ETFA: variants seen among roughly 807,000 people sequenced by gnomAD.
The protein encoded by ETFA is electron transfer flavoprotein subunit alpha, mitochondrial.
A neutral mutation model predicts 46.2 loss-of-function variants in ETFA; 22 were observed. The observed-to-expected ratio is 0.48, with a 90% CI of 0.34 to 0.68. ETFA has a LOEUF of 0.68. ETFA is among the 30% of genes least tolerant of loss of function. ETFA has a pLI of 0.01. For synonymous variants in ETFA, 131 were observed against 139.9 expected (o/e 0.94, Z 0.45); for missense variants, 345 against 401.1 (o/e 0.86, Z 1.19).
In ETFA at chr15:76,257,912, G is replaced by T. The variant is rs191776921; in HGVS notation, c.816+16500C>A. Among the ~76,000 whole-genome samples the T allele has an allele frequency of 3.5e-3, 531 of 149,728 alleles. 3 individuals carry two copies. Among genetic ancestry groups the T allele is most frequent in the African/African-American group, 0.012 (506 of 40,686 alleles). On this transcript the variant is annotated intron_variant, in intron 9 of 11. Transcript: ENST00000557943. ...AAATCATCATTCTCAGTAAATTATC[G>T]CAAGGACAAAAAAACCAAACAACGC... is the stretch of plus-strand genomic sequence containing the variant.
chr15:76,267,956 C>T (rs947127461), intron 9 of ETFA, among the ~76,000 whole-genome samples: 1 of 151,970 alleles, frequency 6.6e-6, no homozygotes, highest in Non-Finnish European at 1.5e-5. Context: ...TATCATGAGC[C>T]ACAGCATCTA....
At chr15:76,223,467 C>T (rs2038977146) in intron 11 of ETFA, among the ~76,000 whole-genome samples, 1 of 152,130 alleles carries the variant, frequency 6.6e-6, no homozygotes, top group African/African-American at 2.4e-5. Context: ...GGGTGATCCA[C>T]CCGCCTCGGC....
intron 7 of ETFA, among the ~76,000 whole-genome samples, chr15:76,284,644 C>T (rs545061406): frequency 9.9e-5 from 15 of 152,156 alleles, no homozygotes; most frequent in African/African-American, 3.4e-4. Flanking sequence ...GCATCCACCA[C>T]CATGCCCAGC....
At chr15:76,283,718 A>G (rs1434422970) in intron 8 of ETFA, 39 bp downstream of exon 8, 1 of 1,267,406 alleles carries the variant, frequency 7.9e-7, no homozygotes, top group African/African-American at 1.5e-5. Context: ...TATTTCCAAC[A>G]AAAAGGGAAT....
chr15:76,220,899 A>G (rs34213321), intron 11 of ETFA, among the ~76,000 whole-genome samples: 65,146 of 152,094 alleles, frequency 0.43, 15,681 homozygotes, highest in Middle Eastern at 0.56. Context: ...GGGGGCAGCC[A>G]CTTTGAAAAC....
rs139779487 is a variant in ETFA, at chr15:76,279,165, A to G, written c.733+4592T>C. Among the ~76,000 whole-genome samples the G allele has an allele frequency of 5.2e-3, 789 of 152,234 alleles. 7 individuals are homozygous for G. The highest frequency in any genetic ancestry group is 0.018 in the African/African-American group (731 of 41,534). On this transcript the variant is annotated intron_variant, in intron 8 of 11. Transcript: ENST00000557943. ...TCTCCAACTCCAGCCCTCCCATTCT[A>G]TCTCTAAAAACCTTTTCATTAAAAT...
At position 76,286,607 on chromosome 15, in the gene ETFA, C is replaced by A. The variant is rs1297512729; in HGVS notation, c.452-126G>T. On this transcript the variant is annotated intron_variant, in intron 5 of 11. Coordinates refer to ENST00000557943, the MANE Select transcript of ETFA (RefSeq NM_000126.4). ...ACTATTGACCAGTTGTCTTCTAACT[C>A]TATTAAGTATAGGAAAAAATGAACC... is the stretch of plus-strand genomic sequence containing the variant. 2.8e-5 allele frequency: 20 copies of A among 706,402 alleles called. No homozygotes were observed. In the Middle Eastern group the frequency reaches 1.0e-3, roughly 36 times the overall value. 43.8% of individuals were successfully genotyped at this position (706,402 alleles called of 1,614,324 possible).
chr15:76,218,893 C>T (rs1320108902), intron 11 of ETFA, among the ~76,000 whole-genome samples: 1 of 152,136 alleles, frequency 6.6e-6, no homozygotes, highest in Non-Finnish European at 1.5e-5. Flanking sequence ...AGGAGTTCTG[C>T]CTCCTAGTTG....
intron 7 of ETFA, chr15:76,284,711 C>T: frequency 5.3e-6 from 1 of 187,342 alleles, no homozygotes; most frequent in Admixed American, 6.2e-5. Flanking sequence ...AGGCTGGTCT[C>T]GAACACTTGA....
At chr15:76,227,530 G>GAAAAAAAAAAAAAAAAAAAAAAAAAA (rs1567196426) in intron 10 of ETFA, among the ~76,000 whole-genome samples, 11 of 44,986 alleles carry the variant, frequency 2.4e-4, no homozygotes, top group African/African-American at 8.5e-4. Flanking sequence ...AAAAAAAAAG[G>GAAAAAAAAAAAAAAAAAAAAAAAAAA]AAAAGCTATC....
At chr15:76,253,214 G>T (rs2039317348) in intron 9 of ETFA, among the ~76,000 whole-genome samples, 1 of 152,092 alleles carries the variant, frequency 6.6e-6, no homozygotes, top group African/African-American at 2.4e-5. Flanking sequence ...CTGAATTCTT[G>T]CAGAGAGCAT....
chr15:76,261,269 C>T (rs1293759774), intron 9 of ETFA: 6 of 1,573,744 alleles, frequency 3.8e-6, no homozygotes, highest in Non-Finnish European at 5.2e-6. Flanking sequence ...ACTGCCAGAT[C>T]TTTTGGCTCC....
chr15:76,305,277 G>C (rs533079425), intron 1 of ETFA, among the ~76,000 whole-genome samples: 10 of 152,284 alleles, frequency 6.6e-5, no homozygotes, highest in Non-Finnish European at 1.0e-4. Flanking sequence ...CAAGGGCAGG[G>C]ACTAGGTCTG....
At chr15:76,307,485 T>C (rs1418837876) in intron 1 of ETFA, among the ~76,000 whole-genome samples, 1 of 149,684 alleles carries the variant, frequency 6.7e-6, no homozygotes, top group Non-Finnish European at 1.5e-5. Flanking sequence ...TTTACCATCT[T>C]AACCTTTTTT....
chr15:76,233,187 T>C (rs1426485516), intron 9 of ETFA, among the ~76,000 whole-genome samples: 1 of 152,190 alleles, frequency 6.6e-6, no homozygotes, highest in Admixed American at 6.5e-5. Flanking sequence ...ATGTATCCAG[T>C]GTGTCAATTG....
chr15:76,275,669 T>G (rs1339484457), intron 8 of ETFA, among the ~76,000 whole-genome samples: 2 of 152,232 alleles, frequency 1.3e-5, no homozygotes, highest in East Asian at 1.9e-4. Context: ...GCCCTTGTTC[T>G]TTTTTCCTAT....
chr15:76,242,114 C>T (rs1028959214), intron 9 of ETFA, among the ~76,000 whole-genome samples: 2 of 152,108 alleles, frequency 1.3e-5, no homozygotes, highest in Non-Finnish European at 2.9e-5. Context: ...GGATTACAGG[C>T]GTGAGCCACT....
chr15:76,243,964 G>A (rs944616161), intron 9 of ETFA, among the ~76,000 whole-genome samples: 12 of 151,956 alleles, frequency 7.9e-5, no homozygotes, highest in Admixed American at 3.9e-4. Flanking sequence ...TCAGCTCACC[G>A]CAACCTCTGC....
chr15:76,257,124 T>C (rs538939754), intron 9 of ETFA, among the ~76,000 whole-genome samples: 1 of 152,320 alleles, frequency 6.6e-6, no homozygotes, highest in Non-Finnish European at 1.5e-5. Context: ...AACTAACAGC[T>C]TGGAAATGTC....
Sources: allele counts gnomAD v4.1 joint callset (sites outside exome capture counted in the v4.1 genomes callset), GRCh38; gene constraint gnomAD v4.1.1; transcripts MANE v1.5; gene names NCBI Gene and HGNC (gene_info 2026-07-23, HGNC 2026-07-21).